The following MICU3 variants were observed in gnomAD, a reference collection of about 807,000 sequenced individuals.
MICU3 encodes mitochondrial calcium uptake 3.
Under a neutral mutation model 66.5 loss-of-function variants are expected in MICU3, and 62 were observed. The ratio of observed to expected loss-of-function variants is 0.93; its 90% confidence interval spans 0.76 to 1.15. MICU3 has a LOEUF of 1.15. Among genes scored for constraint, MICU3 ranks in the 50% most tolerant of loss-of-function variants. The pLI is 0.00. For synonymous variants in MICU3, 308 were observed against 240.7 expected, an observed-to-expected ratio of 1.28 and a Z score of -2.59; for missense variants, 779 against 664.4, an observed-to-expected ratio of 1.17 and a Z score of -1.90.
intron 4 of MICU3, 50 bp downstream of exon 4, chr8:17,077,911 T>G (rs1173792260): frequency 9.4e-7 from 1 of 1,062,128 alleles, no homozygotes; most frequent in Non-Finnish European, 1.4e-6. Flanking sequence ...TTATGTATAC[T>G]ATTTATATAT....
intron 10 of MICU3, among the ~76,000 whole-genome samples, 160 bp from the exon 11 acceptor site, chr8:17,105,253 T>C (rs3862113): frequency 0.26 from 39,841 of 151,696 alleles, 5,447 homozygotes; most frequent in East Asian, 0.41. Context: ...CGATCGTGTG[T>C]TCTTTTCATT....
intron 1 of MICU3, among the ~76,000 whole-genome samples, chr8:17,062,419 G>A (rs374954411): frequency 2.0e-5 from 3 of 152,266 alleles, no homozygotes; most frequent in East Asian, 3.9e-4. Context: ...GCCGTTAGAA[G>A]TGGGGAGCGA....
chr8:17,077,426 A>G (rs1366060364), intron 3 of MICU3, among the ~76,000 whole-genome samples: 4 of 152,170 alleles, frequency 2.6e-5, no homozygotes, highest in Non-Finnish European at 5.9e-5. Context: ...ATGGAAATCC[A>G]TGTTTTTCCA....
At chr8:17,054,103 A>G (rs1193958586) in intron 1 of MICU3, among the ~76,000 whole-genome samples, 5 of 152,236 alleles carry the variant, frequency 3.3e-5, no homozygotes, top group Non-Finnish European at 7.3e-5. Context: ...AATTTGCCAC[A>G]TCTAAAAATA....
intron 8 of MICU3, among the ~76,000 whole-genome samples, chr8:17,095,924 A>G (rs908678305): frequency 2.6e-5 from 4 of 151,982 alleles, no homozygotes; most frequent in Non-Finnish European, 5.9e-5. Context: ...TCTATCAATA[A>G]CAGACTCTGA....
chr8:17,129,584 A>C, the MICU3 span, among the ~76,000 whole-genome samples: 1 of 152,208 alleles, frequency 6.6e-6, no homozygotes, highest in East Asian at 1.9e-4. Flanking sequence ...AGGGAAATAC[A>C]AGCTATCCAA....
At chr8:17,100,231 C>G (rs1216415971) in intron 9 of MICU3, among the ~76,000 whole-genome samples, 3 of 150,776 alleles carry the variant, frequency 2.0e-5, no homozygotes, top group Non-Finnish European at 3.0e-5. Flanking sequence ...TCCCGGACAA[C>G]TCAGTTTGCC....
At position 17,043,243 on chromosome 8, in the gene MICU3, A is replaced by T. The variant is rs533811378; in HGVS notation, c.381+15583A>T. On this transcript the variant is annotated intron_variant, in intron 1 of 14. Coordinates refer to ENST00000318063, the MANE Select transcript of MICU3 (RefSeq NM_181723.3). ...CGTGAGCCACCGCGCCCGGCCTCAAAGTGATTTTTTTAACTGGTTTCACAT... is the reference window on the plus strand; with the variant it reads ...CGTGAGCCACCGCGCCCGGCCTCAATGTGATTTTTTTAACTGGTTTCACAT... 1.1e-4 allele frequency among the ~76,000 whole-genome samples: 16 copies of T among 152,172 alleles called. No individual in the cohort carries two copies. In the South Asian group the frequency reaches 1.9e-3, roughly 18 times the overall value.
intron 1 of MICU3, among the ~76,000 whole-genome samples, chr8:17,056,364 A>T (rs1261821865): frequency 6.6e-6 from 1 of 152,110 alleles, no homozygotes; most frequent in Non-Finnish European, 1.5e-5. Context: ...TGCCAAATGA[A>T]TCATATGCTG....
At chr8:17,063,100 G>A (rs910947372) in intron 1 of MICU3, among the ~76,000 whole-genome samples, 19 of 152,160 alleles carry the variant, frequency 1.2e-4, no homozygotes, top group Non-Finnish European at 2.6e-4. Context: ...AAATGGCCCC[G>A]AAGTTTTAGT....
At chr8:17,048,260 A>T (rs376808200) in intron 1 of MICU3, among the ~76,000 whole-genome samples, 2 of 152,252 alleles carry the variant, frequency 1.3e-5, no homozygotes, top group African/African-American at 4.8e-5. Flanking sequence ...TTTATAGTAC[A>T]TAGCCCTCAC....
intron 1 of MICU3, among the ~76,000 whole-genome samples, chr8:17,028,210 T>TA (rs1811370442): frequency 6.6e-6 from 1 of 152,096 alleles, no homozygotes; most frequent in Admixed American, 6.6e-5. Flanking sequence ...TGAAAAGAAA[T>TA]AAAAAATTGT....
intron 8 of MICU3, among the ~76,000 whole-genome samples, chr8:17,096,009 G>A (rs1800640331): frequency 6.6e-6 from 1 of 151,968 alleles, no homozygotes; most frequent in South Asian, 2.1e-4. Context: ...CCTTTCACTT[G>A]TGAAGTTCTG....
intron 2 of MICU3, 107 bp from the exon 3 acceptor site, chr8:17,069,580 TG>T: frequency 1.8e-6 from 1 of 558,504 alleles, no homozygotes; most frequent in South Asian, 2.7e-5. Flanking sequence ...CTTTGCCTTT[TG>T]GACATAAAAG....
At chr8:17,116,283 A>G (rs1235996988) in intron 12 of MICU3, among the ~76,000 whole-genome samples, 160 bp from the exon 13 acceptor site, 2 of 152,252 alleles carry the variant, frequency 1.3e-5, no homozygotes, top group Non-Finnish European at 2.9e-5. Context: ...AACCACAAAA[A>G]TGTTCATTAC....
the MICU3 span, among the ~76,000 whole-genome samples, chr8:17,129,251 A>G: frequency 6.6e-6 from 1 of 152,218 alleles, no homozygotes; most frequent in Non-Finnish European, 1.5e-5. Flanking sequence ...CATCCACTAT[A>G]AAGTAAGCCA....
chr8:17,046,625 A>G (rs1264996218), intron 1 of MICU3, among the ~76,000 whole-genome samples: 1 of 152,104 alleles, frequency 6.6e-6, no homozygotes, highest in Non-Finnish European at 1.5e-5. Context: ...AGGTGTCATG[A>G]TTCATGGAAT....
At chr8:17,065,222 T>C (rs1258612683) in intron 2 of MICU3, among the ~76,000 whole-genome samples, 1 of 152,170 alleles carries the variant, frequency 6.6e-6, no homozygotes, top group African/African-American at 2.4e-5. Context: ...ACTAGAACAA[T>C]TATAGCCATT....
At chr8:17,065,525 C>A (rs1188118957) in intron 2 of MICU3, among the ~76,000 whole-genome samples, 2 of 151,908 alleles carry the variant, frequency 1.3e-5, no homozygotes, top group Admixed American at 1.3e-4. Context: ...GATGAATGGA[C>A]AAAAGGCTTT....
Sources: allele counts gnomAD v4.1 joint callset (sites outside exome capture counted in the v4.1 genomes callset), GRCh38; gene constraint gnomAD v4.1.1; transcripts MANE v1.5; gene names NCBI Gene and HGNC (gene_info 2026-07-23, HGNC 2026-07-21).